The following CRPPA variants were observed in gnomAD, a reference collection of about 807,000 sequenced individuals.
The protein encoded by CRPPA is D-ribitol-5-phosphate cytidylyltransferase.
In CRPPA, 43 loss-of-function variants were observed where a neutral mutation model predicts 52.0. That is an observed-to-expected ratio of 0.83 (90% CI 0.65 to 1.07). The LOEUF (loss-of-function observed/expected upper bound fraction) is 1.07, where lower values mean the gene tolerates loss of function less well. Ranked by LOEUF, CRPPA falls within the 50% of genes least tolerant of loss-of-function variation. CRPPA has a pLI of 0.00. For synonymous variants in CRPPA, 250 were observed against 203.5 expected, an observed-to-expected ratio of 1.23 and a Z score of -1.94; for missense variants, 629 against 551.7, an observed-to-expected ratio of 1.14 and a Z score of -1.40.
chr7:16,286,057 AT>A lies in CRPPA; in HGVS notation c.836-7832del, dbSNP rs1784431615. ...AAAAAAAATATAAATATATATATATATATATATATATATATATATATATAAT... is the reference window on the plus strand; with the variant it reads ...AAAAAAAATATAAATATATATATATAATATATATATATATATATATATAAT... On this transcript the variant is annotated intron_variant, in intron 5 of 9. Coordinates refer to ENST00000407010, the MANE Select transcript of CRPPA (RefSeq NM_001101426.4). 3.8e-4 allele frequency among the ~76,000 whole-genome samples: 13 copies of A among 34,088 alleles called. 2 individuals are homozygous for A. Among genetic ancestry groups the A allele is most frequent in the African/African-American group, 2.6e-3 (13 of 5,062 alleles). The allele number at this position is 34,088 out of a possible 152,430, so 22.4% of individuals were successfully genotyped here. A position where few individuals can be genotyped will look rare whatever the true frequency, so the allele number is the denominator to read the frequency against.
At chr7:16,231,086 T>C (rs1247547850) in intron 8 of CRPPA, among the ~76,000 whole-genome samples, 2 of 152,134 alleles carry the variant, frequency 1.3e-5, no homozygotes, top group Non-Finnish European at 2.9e-5. Context: ...ATTATTGTGG[T>C]GGGCCAAGTG....
intron 2 of CRPPA, among the ~76,000 whole-genome samples, chr7:16,400,501 A>T (rs1163356285): frequency 6.6e-6 from 1 of 152,164 alleles, no homozygotes; most frequent in Non-Finnish European, 1.5e-5. Flanking sequence ...CATGTATAAC[A>T]CCCGAACGAC....
chr7:16,101,253 G>A (rs542427977), intron 9 of CRPPA, among the ~76,000 whole-genome samples: 2 of 152,232 alleles, frequency 1.3e-5, no homozygotes, highest in Admixed American at 1.3e-4. Flanking sequence ...TGTACCTCTG[G>A]TAGAATTCGG....
intron 8 of CRPPA, among the ~76,000 whole-genome samples, chr7:16,233,381 A>G (rs1782860004): frequency 1.3e-5 from 2 of 152,166 alleles, no homozygotes; most frequent in South Asian, 4.1e-4. Flanking sequence ...AGAAAGGAGG[A>G]AGACACTGTG....
At chr7:16,095,058 C>T (rs989264567) in intron 9 of CRPPA, among the ~76,000 whole-genome samples, 3 of 152,178 alleles carry the variant, frequency 2.0e-5, no homozygotes, top group African/African-American at 7.2e-5. Flanking sequence ...AATGGGAGAA[C>T]CTGGGTGTGA....
chr7:16,220,626 C>A (rs1782472818), intron 8 of CRPPA, among the ~76,000 whole-genome samples: 1 of 136,832 alleles, frequency 7.3e-6, no homozygotes, highest in African/African-American at 2.8e-5. Flanking sequence ...GTACAAAAAT[C>A]ACAAGCATTC....
intron 2 of CRPPA, among the ~76,000 whole-genome samples, chr7:16,400,388 G>T (rs1189518273): frequency 6.6e-6 from 1 of 152,092 alleles, no homozygotes; most frequent in Non-Finnish European, 1.5e-5. Context: ...ACACTGACCT[G>T]GTTGACAGGC....
At chr7:16,229,829 A>G (rs1224042813) in intron 8 of CRPPA, among the ~76,000 whole-genome samples, 1 of 152,012 alleles carries the variant, frequency 6.6e-6, no homozygotes, top group Non-Finnish European at 1.5e-5. Context: ...TCTGGTGGTG[A>G]TATACTCCCT....
In CRPPA at chr7:16,288,402, G is replaced by A. The variant is rs191672666; in HGVS notation, c.836-10176C>T. ...ATATTCTAAAAAAAAAATAAAACAA[G>A]CCTTAAAAAATATCTTTAACATAGT... is the stretch of plus-strand genomic sequence containing the variant. On this transcript the variant is annotated intron_variant, in intron 5 of 9. Transcript: ENST00000407010. 4.3e-3 allele frequency among the ~76,000 whole-genome samples: 651 copies of A among 150,800 alleles called. 2 individuals carry two copies. The highest frequency in any genetic ancestry group is 7.1e-3 in the Non-Finnish European group (478 of 67,656).
intron 3 of CRPPA, 50 bp from the exon 4 acceptor site, chr7:16,308,677 G>C (rs754973925): frequency 2.8e-5 from 30 of 1,077,848 alleles, no homozygotes; most frequent in Non-Finnish European, 4.1e-5. Context: ...GCGATTTTAA[G>C]TAAAACCAAG....
rs61734789 is a variant in CRPPA, at chr7:16,406,188, G to A, written c.407C>T (p.Ala136Val). The change falls in exon 2 of 10, where the codon GCA becomes GTA. Residue 136 changes from alanine (A) to valine (V), a missense_variant. Coordinates refer to ENST00000407010, the MANE Select transcript of CRPPA (RefSeq NM_001101426.4). ...RHRSIFNGLKALAEDQINSKL... is the reference protein window; with the variant it reads ...RHRSIFNGLKVLAEDQINSKL... Reference sequence around the variant, plus strand: ...AGAGTTGATCTGATCTTCTGCCAGTGCTTTTAGTCCATTGAAAATTGACCT... The same window carrying A: ...AGAGTTGATCTGATCTTCTGCCAGTACTTTTAGTCCATTGAAAATTGACCT... The A allele has an allele frequency of 0.037, 58,920 of 1,613,930 alleles. 1,333 individuals are homozygous for A. The highest frequency in any genetic ancestry group is 0.045 in the Non-Finnish European group (52,714 of 1,179,826).
intron 8 of CRPPA, among the ~76,000 whole-genome samples, chr7:16,247,496 T>G (rs1783310720): frequency 6.6e-6 from 1 of 152,188 alleles, no homozygotes; most frequent in African/African-American, 2.4e-5. Context: ...TATACAGATA[T>G]GATTTGCAGT....
At chr7:16,318,238 C>T (rs1468775821) in intron 3 of CRPPA, among the ~76,000 whole-genome samples, 1 of 152,102 alleles carries the variant, frequency 6.6e-6, no homozygotes, top group South Asian at 2.1e-4. Context: ...ATTAGTAGCA[C>T]CCCAACTCTC....
intron 9 of CRPPA, among the ~76,000 whole-genome samples, chr7:16,109,252 T>C (rs1047615362): frequency 2.6e-5 from 4 of 151,388 alleles, no homozygotes; most frequent in Non-Finnish European, 5.9e-5. Context: ...AACACAAAAA[T>C]ACAAAGGGTA....
intron 9 of CRPPA, among the ~76,000 whole-genome samples, chr7:16,175,582 G>A (rs896358445): frequency 3.9e-5 from 6 of 152,096 alleles, no homozygotes; most frequent in Non-Finnish European, 5.9e-5. Flanking sequence ...AGAACAATTT[G>A]TTTCTGCACA....
intron 6 of CRPPA, 23 bp downstream of exon 6, chr7:16,278,106 A>G (rs1173426762): frequency 7.9e-7 from 1 of 1,266,518 alleles, no homozygotes; most frequent in Non-Finnish European, 1.1e-6. Flanking sequence ...AAAGTTTATC[A>G]AACTCAGTCT....
At chr7:16,174,751 T>C (rs1025482957) in intron 9 of CRPPA, among the ~76,000 whole-genome samples, 3 of 152,180 alleles carry the variant, frequency 2.0e-5, no homozygotes, top group Non-Finnish European at 4.4e-5. Context: ...TCTGTAAAGA[T>C]AAGTCAATGG....
intron 2 of CRPPA, among the ~76,000 whole-genome samples, chr7:16,387,088 C>CGTATATATATCTAT (rs1562671736): frequency 2.9e-5 from 1 of 34,794 alleles, no homozygotes; most frequent in African/African-American, 1.1e-4. Context: ...TATATATATA[C>CGTATATATATCTAT]ACACATATAT....
chr7:16,169,130 A>G (rs1781126784), intron 9 of CRPPA, among the ~76,000 whole-genome samples: 1 of 152,218 alleles, frequency 6.6e-6, no homozygotes, highest in South Asian at 2.1e-4. Context: ...AATAAAAAAT[A>G]TCATGGAAAT....
Sources: gnomAD v4.1 joint callset for allele counts (sites outside exome capture counted in the v4.1 genomes callset) on GRCh38, gnomAD v4.1.1 for gene constraint, MANE v1.5 for transcripts, NCBI Gene and HGNC (gene_info 2026-07-23, HGNC 2026-07-21) for gene names.